Variants in KLF12 observed in about 807,000 individuals in gnomAD.
KLF12 encodes the protein Krueppel-like factor 12.
Under a neutral mutation model 37.8 loss-of-function variants are expected in KLF12, and 9 were observed. The observed-to-expected ratio is 0.24, with a 90% CI of 0.14 to 0.42. The LOEUF (loss-of-function observed/expected upper bound fraction) is 0.42. KLF12 is among the 10% of genes least tolerant of loss of function. The probability of loss-of-function intolerance (pLI) is 1.00; values close to 1 mark genes in which losing one functional copy is unlikely to be tolerated. For missense variants in KLF12, 411 were observed against 516.0 expected (o/e 0.80, Z 1.97); for synonymous variants, 208 against 202.1 (o/e 1.03, Z -0.25).
intron 6 of KLF12, among the ~76,000 whole-genome samples, chr13:73,736,017 C>G (rs1404473349): frequency 1.3e-5 from 2 of 151,726 alleles, no homozygotes; most frequent in Non-Finnish European, 2.9e-5. Flanking sequence ...TTGTACTACC[C>G]AGGTATGACA....
intron 1 of KLF12, among the ~76,000 whole-genome samples, chr13:74,061,047 A>T (rs1321166743): frequency 1.3e-5 from 2 of 152,194 alleles, no homozygotes; most frequent in Non-Finnish European, 2.9e-5. Flanking sequence ...CACAAACAAA[A>T]ATGCAGCTAT....
the KLF12 span, among the ~76,000 whole-genome samples, chr13:74,212,524 G>T: frequency 2.6e-5 from 4 of 152,100 alleles, no homozygotes; most frequent in Admixed American, 1.3e-4. Flanking sequence ...ACTGAGGCAC[G>T]CACAGATGTC....
the KLF12 span, among the ~76,000 whole-genome samples, chr13:74,279,394 C>T: frequency 1.3e-5 from 2 of 152,064 alleles, no homozygotes; most frequent in Non-Finnish European, 2.9e-5. Context: ...TATGTAACTC[C>T]CCAAAACTAA....
chr13:73,783,848 A>G (rs1253146999), intron 5 of KLF12, among the ~76,000 whole-genome samples: 1 of 152,164 alleles, frequency 6.6e-6, no homozygotes, highest in Non-Finnish European at 1.5e-5. Context: ...ACATGACTGT[A>G]ATGACTGGCA....
At chr13:73,959,662 A>T (rs867414841) in intron 2 of KLF12, among the ~76,000 whole-genome samples, 4 of 152,006 alleles carry the variant, frequency 2.6e-5, no homozygotes, top group African/African-American at 9.7e-5. Context: ...GTAAAATTAT[A>T]TATCTCATGT....
the KLF12 span, among the ~76,000 whole-genome samples, chr13:74,238,953 T>G: frequency 2.7e-5 from 4 of 150,440 alleles, no homozygotes; most frequent in African/African-American, 9.8e-5. Flanking sequence ...AGTTCTGCTC[T>G]GATTTTAGTT....
chr13:73,887,309 T>C (rs554862584), intron 3 of KLF12, among the ~76,000 whole-genome samples: 149 of 152,214 alleles, frequency 9.8e-4, no homozygotes, highest in Non-Finnish European at 1.8e-3. Context: ...AAATCTCATA[T>C]TGAAATGCAA....
At chr13:73,906,111 T>G (rs935372445) in intron 3 of KLF12, among the ~76,000 whole-genome samples, 2 of 152,190 alleles carry the variant, frequency 1.3e-5, no homozygotes, top group African/African-American at 4.8e-5. Flanking sequence ...AACTCTTAGC[T>G]GATGTCACCA....
chr13:73,714,254 C>A (rs576884450), intron 7 of KLF12, among the ~76,000 whole-genome samples: 1 of 152,180 alleles, frequency 6.6e-6, no homozygotes, highest in African/African-American at 2.4e-5. Context: ...ACCAGCCTGG[C>A]CAACATAGTG....
chr13:73,809,798 G>C (rs1882832502), intron 5 of KLF12, among the ~76,000 whole-genome samples: 1 of 152,066 alleles, frequency 6.6e-6, no homozygotes. Context: ...TGGCATTCTA[G>C]GGCTTCCCAG....
intron 1 of KLF12, among the ~76,000 whole-genome samples, chr13:74,038,702 T>C (rs1458235816): frequency 1.2e-4 from 18 of 152,208 alleles, no homozygotes; most frequent in Admixed American, 1.2e-3. Flanking sequence ...TTGCTGAAGT[T>C]ATTTCTAACT....
intron 1 of KLF12, among the ~76,000 whole-genome samples, chr13:74,070,102 G>A (rs371715291): frequency 3.3e-5 from 5 of 152,280 alleles, no homozygotes; most frequent in Admixed American, 2.0e-4. Flanking sequence ...ATAGAGAAAC[G>A]AGGAAGACAG....
chr13:74,005,744 T>C (rs9565067), intron 1 of KLF12, among the ~76,000 whole-genome samples: 102,343 of 152,082 alleles, frequency 0.67, 35,799 homozygotes, highest in East Asian at 0.83. Context: ...CACATACTAT[T>C]TGGAGATCTT....
the KLF12 span, among the ~76,000 whole-genome samples, chr13:74,189,919 TAAAG>T: frequency 6.6e-6 from 1 of 152,216 alleles, no homozygotes; most frequent in Non-Finnish European, 1.5e-5. Flanking sequence ...GTCGAAACAT[TAAAG>T]AATGTCCACT....
At chr13:73,977,875 T>C (rs1391666725) in intron 2 of KLF12, among the ~76,000 whole-genome samples, 2 of 152,224 alleles carry the variant, frequency 1.3e-5, no homozygotes, top group Non-Finnish European at 1.5e-5. Context: ...GGAGCAAAGA[T>C]AGTCTTTCCA....
Position 73,894,551 on chromosome 13 carries a change from C to T in KLF12, c.124-48178G>A, listed in dbSNP as rs1000309210. On this transcript the variant is annotated intron_variant, in intron 3 of 7. Coordinates refer to ENST00000377669, the MANE Select transcript of KLF12 (RefSeq NM_007249.5). ...ATAGATAATATTATTTACTTTAGCA[C>T]GCCCACTCTACTAAACTCATCATTT... Among the ~76,000 whole-genome samples the T allele has an allele frequency of 4.6e-5, 7 of 152,132 alleles. No homozygotes were observed. The South Asian group carries it at 6.2e-4, about 13-fold the overall frequency.
At chr13:74,252,380 T>C in the KLF12 span, among the ~76,000 whole-genome samples, 1 of 152,162 alleles carries the variant, frequency 6.6e-6, no homozygotes, top group Admixed American at 6.5e-5. Context: ...TTGTTACAGG[T>C]ATACCTCTTT....
intron 1 of KLF12, among the ~76,000 whole-genome samples, chr13:74,122,732 G>A (rs998260205): frequency 6.6e-6 from 1 of 151,900 alleles, no homozygotes; most frequent in Non-Finnish European, 1.5e-5. Context: ...CAGCTGAGAA[G>A]GATTTCTCTT....
intron 2 of KLF12, among the ~76,000 whole-genome samples, chr13:73,965,503 T>A (rs1891148016): frequency 1.3e-5 from 2 of 152,108 alleles, no homozygotes; most frequent in Non-Finnish European, 2.9e-5. Flanking sequence ...CAAGCAGATA[T>A]GATGGGTGGG....
Sources: gnomAD v4.1 joint callset for allele counts (sites outside exome capture counted in the v4.1 genomes callset) on GRCh38, gnomAD v4.1.1 for gene constraint, MANE v1.5 for transcripts, NCBI Gene and HGNC (gene_info 2026-07-23, HGNC 2026-07-21) for gene names.